Variants in FRY observed in about 807,000 individuals in gnomAD.
FRY encodes FRY microtubule binding protein, also known as protein furry homolog.
Under a neutral mutation model 348.4 loss-of-function variants are expected in FRY, and 128 were observed. That is an observed-to-expected ratio of 0.37 (90% confidence interval 0.32 to 0.43). The LOEUF (loss-of-function observed/expected upper bound fraction) is 0.43, where lower values mean the gene tolerates loss of function less well. Ranked by LOEUF, FRY falls within the 20% of genes least tolerant of loss-of-function variation. The pLI is 1.00. For missense variants in FRY, 2,736 were observed against 3,695.2 expected (o/e 0.74, Z 6.73); for synonymous variants, 1,370 against 1,374.7 (o/e 1.00, Z 0.08).
chr13:32,222,715 C>T (rs186156173), intron 36 of FRY, among the ~76,000 whole-genome samples: 199 of 152,290 alleles, frequency 1.3e-3, no homozygotes, highest in Non-Finnish European at 3.1e-4. Flanking sequence ...AGTTACTGAA[C>T]CTCACTTTCT....
At chr13:32,292,622 C>CAT (rs1566201238) in intron 59 of FRY, among the ~76,000 whole-genome samples, 5 of 151,518 alleles carry the variant, frequency 3.3e-5, no homozygotes, top group African/African-American at 2.4e-5. Flanking sequence ...TGAAACCCTG[C>CAT]CTCTACTAAA....
intron 50 of FRY, among the ~76,000 whole-genome samples, chr13:32,253,527 A>G (rs1056140281): frequency 3.1e-4 from 47 of 152,366 alleles, no homozygotes; most frequent in African/African-American, 1.1e-3. Flanking sequence ...ACAGTTTATT[A>G]TATACCAAGT....
At chr13:32,067,644 A>G (rs991522523) in intron 1 of FRY, among the ~76,000 whole-genome samples, 3 of 152,176 alleles carry the variant, frequency 2.0e-5, no homozygotes, top group African/African-American at 7.2e-5. Flanking sequence ...TTTTCAGGGC[A>G]TACTTTTATA....
intron 58 of FRY, among the ~76,000 whole-genome samples, chr13:32,284,607 C>A (rs1440204680): frequency 6.6e-6 from 1 of 152,106 alleles, no homozygotes; most frequent in Non-Finnish European, 1.5e-5. Context: ...TGACCAAGGT[C>A]CAAAAAACTA....
intron 4 of FRY, among the ~76,000 whole-genome samples, chr13:32,123,013 A>G (rs1472235294): frequency 6.6e-6 from 1 of 152,218 alleles, no homozygotes; most frequent in Admixed American, 6.5e-5. Flanking sequence ...AAGGAAAACT[A>G]CAAAACACTG....
chr13:32,153,003 A>C (rs1194240107), intron 14 of FRY, among the ~76,000 whole-genome samples: 1 of 152,188 alleles, frequency 6.6e-6, no homozygotes, highest in Admixed American at 6.5e-5. Context: ...ATGAAAAGAC[A>C]TTCAACCTCA....
At chr13:32,274,522 G>A (rs1443665064) in intron 55 of FRY, among the ~76,000 whole-genome samples, 2 of 151,696 alleles carry the variant, frequency 1.3e-5, no homozygotes, top group African/African-American at 2.4e-5. Context: ...GGCTAACACA[G>A]TGAAACCCCG....
intron 7 of FRY, among the ~76,000 whole-genome samples, chr13:32,130,452 T>TCGTGTGTGTGTGTGTGTG (rs1879284359): frequency 2.1e-5 from 3 of 141,888 alleles, no homozygotes; most frequent in Non-Finnish European, 3.0e-5. Flanking sequence ...TGGAAAGTGT[T>TCGTGTGTGTGTGTGTGTG]TGTGTGTGTG....
chr13:32,231,244 A>G lies in FRY; in HGVS notation c.5471A>G (p.Glu1824Gly). The G allele has an allele frequency of 6.2e-7, 1 of 1,612,992 alleles. No individual in the cohort carries two copies. Among genetic ancestry groups the G allele is most frequent in the Non-Finnish European group, 8.5e-7 (1 of 1,178,918 alleles). The change falls in exon 41 of 61, where the codon GAA becomes GGA. Residue 1824 changes from glutamate (E) to glycine (G), a missense_variant. By Grantham distance (98) the Glu-to-Gly change is moderately conservative (BLOSUM62 -2). Around this residue, in one of 9 missense-constraint regions of FRY, gnomAD observed 794 missense variants for 977.0 expected, o/e 0.81. Coordinates refer to ENST00000542859, the MANE Select transcript of FRY (RefSeq NM_023037.3). ...TPKNQNSKSAEQLTNFLRHVV... is the reference protein window; with the variant it reads ...TPKNQNSKSAGQLTNFLRHVV... ...AAAAATCAAAATTCAAAGAGTGCTG[A>G]ACAGCTCACTAATTTTCTACGTCAC...
chr13:32,192,232 G>A (rs1883378411), intron 28 of FRY, among the ~76,000 whole-genome samples: 1 of 152,140 alleles, frequency 6.6e-6, no homozygotes, highest in Admixed American at 6.5e-5. Context: ...TACAATAAAA[G>A]CTTGATTCTT....
chr13:32,055,620 T>C (rs1480533954), intron 1 of FRY, among the ~76,000 whole-genome samples: 1 of 152,018 alleles, frequency 6.6e-6, no homozygotes. Flanking sequence ...GTCAGACCCC[T>C]CTCCAAAAAA....
At chr13:32,093,760 G>A (rs1012972343) in intron 2 of FRY, among the ~76,000 whole-genome samples, 1 of 152,184 alleles carries the variant, frequency 6.6e-6, no homozygotes, top group East Asian at 1.9e-4. Flanking sequence ...GTGAGCTGGG[G>A]CATCTGGTCA....
intron 47 of FRY, among the ~76,000 whole-genome samples, chr13:32,244,393 G>C (rs1252361948): frequency 2.0e-5 from 3 of 152,154 alleles, no homozygotes; most frequent in African/African-American, 7.2e-5. Context: ...GCACACTCCG[G>C]TGCCTTTAAA....
chr13:32,157,128 G>A, intron 15 of FRY, 145 bp from the exon 16 acceptor site: 1 of 714,694 alleles, frequency 1.4e-6, no homozygotes, highest in Non-Finnish European at 2.5e-6. Context: ...AAGCTGTGCA[G>A]ATGAGATTGA....
At chr13:32,102,325 A>G (rs1257417580) in intron 3 of FRY, among the ~76,000 whole-genome samples, 1 of 152,240 alleles carries the variant, frequency 6.6e-6, no homozygotes, top group Non-Finnish European at 1.5e-5. Flanking sequence ...AGGAAATTCC[A>G]TTCGTTTAAA....
At chr13:32,037,443 G>A (rs1872569993) in intron 1 of FRY, among the ~76,000 whole-genome samples, 1 of 152,154 alleles carries the variant, frequency 6.6e-6, no homozygotes, top group Admixed American at 6.6e-5. Context: ...AGGGATAATG[G>A]AAATCTATCT....
intron 8 of FRY, among the ~76,000 whole-genome samples, chr13:32,132,495 C>T (rs1312947514): frequency 6.6e-6 from 1 of 152,062 alleles, no homozygotes; most frequent in Non-Finnish European, 1.5e-5. Context: ...ACAAGGATGG[C>T]TATAGTCAAA....
At chr13:32,285,949 A>C (rs1410352398) in intron 58 of FRY, among the ~76,000 whole-genome samples, 1 of 151,828 alleles carries the variant, frequency 6.6e-6, no homozygotes, top group Non-Finnish European at 1.5e-5. Context: ...TAGTCTCCAC[A>C]TCAGAGGCTT....
intron 57 of FRY, among the ~76,000 whole-genome samples, chr13:32,277,265 A>G (rs1335334505): frequency 6.6e-6 from 1 of 152,224 alleles, no homozygotes; most frequent in Non-Finnish European, 1.5e-5. Context: ...TTTAACGGTT[A>G]GTGACCTTGA....
Sources: allele counts gnomAD v4.1 joint callset (sites outside exome capture counted in the v4.1 genomes callset), GRCh38; gene constraint gnomAD v4.1.1; regional missense constraint gnomAD v4.1.1; transcripts MANE v1.5; gene names NCBI Gene and HGNC (gene_info 2026-07-23, HGNC 2026-07-21).